The following FDFT1 variants were observed in gnomAD, a reference collection of about 807,000 sequenced individuals.
The protein encoded by FDFT1 is squalene synthase.
Under a neutral mutation model 46.8 loss-of-function variants are expected in FDFT1, and 68 were observed. The observed-to-expected ratio is 1.45, with a 90% CI of 1.19 to 1.78. FDFT1 has a LOEUF of 1.78. Ranked by LOEUF, FDFT1 falls within the 40% of genes most tolerant of loss-of-function variation. The pLI, the probability that FDFT1 is intolerant of heterozygous loss-of-function variation, is 0.00. For missense variants in FDFT1, 928 were observed against 524.4 expected (o/e 1.77, Z -7.52); for synonymous variants, 351 against 185.1 (o/e 1.90, Z -7.28).
At chr8:11,803,691 G>A in intron 1 of FDFT1, 1 of 299,170 alleles carries the variant, frequency 3.3e-6, no homozygotes, top group South Asian at 3.7e-5. Context: ...GCTGATTTCT[G>A]TAACTTTTTT....
intron 7 of FDFT1, among the ~76,000 whole-genome samples, chr8:11,837,762 G>C (rs765088739): frequency 1.1e-4 from 17 of 151,800 alleles, no homozygotes; most frequent in African/African-American, 4.1e-4. Flanking sequence ...TTAGACTCAC[G>C]TTGGAGACTG....
intron 7 of FDFT1, among the ~76,000 whole-genome samples, chr8:11,832,574 A>AAAAAAAAAAAAAAAAAC (rs1810962601): frequency 7.1e-6 from 1 of 141,818 alleles, no homozygotes; most frequent in Admixed American, 7.1e-5. Flanking sequence ...AAAAAAAAAA[A>AAAAAAAAAAAAAAAAAC]AAGTCTTAGA....
At chr8:11,798,924 T>C (rs1805829910), upstream of FDFT1, among the ~76,000 whole-genome samples, 4 of 152,220 alleles carry the variant, frequency 2.6e-5, no homozygotes, top group South Asian at 8.3e-4. Flanking sequence ...GGTTACAGCA[T>C]GCTTCCAGCT....
upstream of FDFT1, chr8:11,802,107 A>G (rs1238198656): frequency 2.2e-6 from 1 of 454,812 alleles, no homozygotes; most frequent in Admixed American, 2.3e-5. Flanking sequence ...ATCTCAAGTA[A>G]ACACTAGAGA....
intron 5 of FDFT1, among the ~76,000 whole-genome samples, chr8:11,827,656 A>G (rs1454036487): frequency 6.6e-6 from 1 of 152,216 alleles, no homozygotes; most frequent in African/African-American, 2.4e-5. Context: ...GCAAGGAGAT[A>G]AGAACAAGAT....
intron 3 of FDFT1, among the ~76,000 whole-genome samples, chr8:11,814,492 C>G (rs1419281459): frequency 6.6e-6 from 1 of 152,134 alleles, no homozygotes; most frequent in Non-Finnish European, 1.5e-5. Flanking sequence ...ATATTGCATA[C>G]TTTCAATGTT....
chr8:11,809,391 CCATAGTTCTA>C, intron 2 of FDFT1: 1 of 1,183,794 alleles, frequency 8.4e-7, no homozygotes. Context: ...CTTCTGGTCT[CCATAGTTCTA>C]CATTGGTTAA....
At chr8:11,808,917 G>A (rs760560617) in intron 2 of FDFT1, 26 bp downstream of exon 2, 9 of 1,607,684 alleles carry the variant, frequency 5.6e-6, no homozygotes, top group African/African-American at 1.3e-5. Flanking sequence ...AGCGCCTCTG[G>A]CTTGGAGGAA....
chr8:11,802,461 C>T (rs773331361), upstream of FDFT1: 28 of 467,420 alleles, frequency 6.0e-5, no homozygotes, highest in African/African-American at 4.0e-4. Flanking sequence ...CCGGGGTAAG[C>T]GGAAGAAAAC....
chr8:11,810,382 C>G (rs546258276), intron 3 of FDFT1, among the ~76,000 whole-genome samples: 2 of 152,306 alleles, frequency 1.3e-5, no homozygotes, highest in African/African-American at 4.8e-5. Context: ...GGGCAGCAGC[C>G]TGGCATGGGG....
intron 6 of FDFT1, among the ~76,000 whole-genome samples, chr8:11,830,836 A>C (rs898738113): frequency 6.6e-6 from 1 of 152,242 alleles, no homozygotes; most frequent in Non-Finnish European, 1.5e-5. Context: ...CTGGTCCGGT[A>C]GACCTAGCCT....
chr8:11,802,170 G>T (rs981889419), upstream of FDFT1: 1 of 447,040 alleles, frequency 2.2e-6, no homozygotes, highest in African/African-American at 2.0e-5. Context: ...CTGGATGGCG[G>T]TGGCGGGCAG....
intron 3 of FDFT1, among the ~76,000 whole-genome samples, chr8:11,815,983 G>C (rs902713961): frequency 2.0e-5 from 3 of 152,138 alleles, no homozygotes; most frequent in Non-Finnish European, 4.4e-5. Context: ...TTTTCTTCTA[G>C]GGTTTTTACG....
intron 7 of FDFT1, among the ~76,000 whole-genome samples, chr8:11,835,582 A>G (rs949741643): frequency 1.3e-5 from 2 of 152,196 alleles, no homozygotes; most frequent in Non-Finnish European, 2.9e-5. Context: ...TTGGTTGTGT[A>G]TATTCACTTG....
chr8:11,802,568 C>G, upstream of FDFT1: 1 of 612,064 alleles, frequency 1.6e-6, no homozygotes, highest in South Asian at 1.5e-5. Context: ...TCTCCTTCCG[C>G]GACTGATTGG....
At chr8:11,809,609 A>C in intron 2 of FDFT1, 58 bp from the exon 3 acceptor site, 1 of 1,498,784 alleles carries the variant, frequency 6.7e-7, no homozygotes, top group Non-Finnish European at 9.0e-7. Flanking sequence ...AGTTATTTTA[A>C]AATAAAAAAT....
upstream of FDFT1, among the ~76,000 whole-genome samples, chr8:11,801,269 C>T (rs1191234131): frequency 6.6e-6 from 1 of 152,216 alleles, no homozygotes; most frequent in Non-Finnish European, 1.5e-5. Flanking sequence ...GGTGCTTTGG[C>T]TTTTGTTGGA....
chr8:11,801,358 C>G (rs930599193), upstream of FDFT1, among the ~76,000 whole-genome samples: 1 of 152,184 alleles, frequency 6.6e-6, no homozygotes, highest in Non-Finnish European at 1.5e-5. Context: ...TCGCTCTTGT[C>G]CCCCAGGCTG....
At chr8:11,818,984 C>G (rs183334425) in intron 3 of FDFT1, among the ~76,000 whole-genome samples, 1 of 152,194 alleles carries the variant, frequency 6.6e-6, no homozygotes, top group Admixed American at 6.5e-5. Context: ...TTTGCAGTGG[C>G]TGGTACCAGT....
Sources: gnomAD v4.1 joint callset for allele counts (sites outside exome capture counted in the v4.1 genomes callset) on GRCh38, gnomAD v4.1.1 for gene constraint, MANE v1.5 for transcripts, NCBI Gene and HGNC (gene_info 2026-07-23, HGNC 2026-07-21) for gene names.